CCNT2: variants seen among roughly 807,000 people sequenced by gnomAD.
CCNT2 encodes cyclin T2, also known as cyclin-T2.
In CCNT2, 18 loss-of-function variants were observed where a neutral mutation model predicts 70.0. The observed-to-expected ratio is 0.26, with a 90% CI of 0.18 to 0.38. The LOEUF (loss-of-function observed/expected upper bound fraction) is 0.38. CCNT2 is among the 10% of genes least tolerant of loss of function. CCNT2 has a pLI of 1.00. For synonymous variants in CCNT2, 334 were observed against 313.3 expected (o/e 1.07, Z -0.70); for missense variants, 734 against 890.2 (o/e 0.82, Z 2.23).
At chr2:134,950,926 G>A (rs1682453784) in intron 7 of CCNT2, among the ~76,000 whole-genome samples, 2 of 152,158 alleles carry the variant, frequency 1.3e-5, no homozygotes, top group Admixed American at 6.5e-5. Flanking sequence ...TTTTGTGTAC[G>A]AGATTTTGGA....
chr2:134,942,531 A>G, intron 4 of CCNT2, 81 bp from the exon 5 acceptor site: 2 of 813,554 alleles, frequency 2.5e-6, no homozygotes, highest in Admixed American at 6.2e-5. Context: ...AATAATGAAG[A>G]ATATATTATA....
chr2:134,952,523 TAGG>T (rs1682598258), intron 7 of CCNT2, 115 bp from the exon 8 acceptor site: 2 of 567,894 alleles, frequency 3.5e-6, no homozygotes, highest in East Asian at 6.2e-5. Flanking sequence ...GAGGATTTAA[TAGG>T]AGGGTAAAAG....
At chr2:134,923,967 A>G (rs767417589) in intron 2 of CCNT2, among the ~76,000 whole-genome samples, 2 of 152,246 alleles carry the variant, frequency 1.3e-5, no homozygotes, top group South Asian at 2.1e-4. Flanking sequence ...ACTAAATCCA[A>G]TGAGGTCCTC....
intron 4 of CCNT2, among the ~76,000 whole-genome samples, chr2:134,941,004 C>G (rs778299344): frequency 3.3e-5 from 5 of 152,162 alleles, no homozygotes; most frequent in Non-Finnish European, 5.9e-5. Context: ...GCACAAAAAC[C>G]TTGCACTTTA....
chr2:134,953,353 A>C lies in CCNT2; in HGVS notation c.898A>C (p.Ser300Arg), dbSNP rs1276534821. The C allele has an allele frequency of 3.7e-6, 6 of 1,605,732 alleles. No individual in the cohort carries two copies. The African/African-American group carries it at 8.1e-5, about 22-fold the overall frequency. The change falls in exon 9 of 9, where the codon AGT becomes CGT. Residue 300 changes from serine to arginine, a missense_variant. This residue lies in a region of CCNT2 where 532 missense variants were observed against 556.9 expected (regional missense o/e 0.96). Transcript: ENST00000264157. ...DSVTGVPTNP[S>R]FQKPSTSAFP... ...TGTCACTGGTGTGCCTACAAACCCAAGTTTTCAGAAACCATCTACATCAGC... is the reference window on the plus strand; with the variant it reads ...TGTCACTGGTGTGCCTACAAACCCACGTTTTCAGAAACCATCTACATCAGC...
At chr2:134,938,795 G>C (rs1681351685) in intron 3 of CCNT2, among the ~76,000 whole-genome samples, 1 of 152,116 alleles carries the variant, frequency 6.6e-6, no homozygotes, top group African/African-American at 2.4e-5. Context: ...GTTTTCTGGT[G>C]TTTGTTTCCT....
chr2:134,929,843 G>A (rs1680606542), intron 2 of CCNT2, among the ~76,000 whole-genome samples: 1 of 151,542 alleles, frequency 6.6e-6, no homozygotes, highest in African/African-American at 2.4e-5. Context: ...TAATGGCAGG[G>A]TTTTACCATG....
intron 2 of CCNT2, among the ~76,000 whole-genome samples, chr2:134,924,030 T>C (rs1046865803): frequency 6.6e-6 from 1 of 152,252 alleles, no homozygotes; most frequent in African/African-American, 2.4e-5. Flanking sequence ...TTAGCATTTA[T>C]GCATTGTGTA....
At chr2:134,937,051 C>A in intron 3 of CCNT2, 82 bp downstream of exon 3, 1 of 931,672 alleles carries the variant, frequency 1.1e-6, no homozygotes, top group Non-Finnish European at 1.6e-6. Context: ...ATACACAGTT[C>A]AATTAGTGGT....
At chr2:134,945,726 T>C in intron 5 of CCNT2, 6 of 1,284,420 alleles carry the variant, frequency 4.7e-6, no homozygotes, top group Non-Finnish European at 5.0e-6. Flanking sequence ...GGCAACTCTT[T>C]GTATTTTGTA....
intron 4 of CCNT2, among the ~76,000 whole-genome samples, chr2:134,941,472 G>A (rs1681575793): frequency 6.6e-6 from 1 of 152,150 alleles, no homozygotes. Flanking sequence ...TCTGATCAAC[G>A]ATAGTTAAGT....
At chr2:134,941,691 G>GA (rs1427539392) in intron 4 of CCNT2, among the ~76,000 whole-genome samples, 2 of 152,038 alleles carry the variant, frequency 1.3e-5, no homozygotes, top group Non-Finnish European at 2.9e-5. Context: ...GTAAAAAATT[G>GA]AAAATGAAAA....
intron 2 of CCNT2, among the ~76,000 whole-genome samples, chr2:134,920,518 G>T (rs1370510338): frequency 1.3e-5 from 2 of 152,052 alleles, no homozygotes; most frequent in African/African-American, 4.8e-5. Flanking sequence ...TGAATATTAA[G>T]GTATATAACC....
intron 2 of CCNT2, among the ~76,000 whole-genome samples, chr2:134,927,305 A>AT (rs940501704): frequency 4.6e-5 from 7 of 151,526 alleles, no homozygotes; most frequent in South Asian, 2.1e-4. Context: ...GCGGCTTAAA[A>AT]TTTTTTTTTG....
intron 2 of CCNT2, among the ~76,000 whole-genome samples, chr2:134,929,986 AAAAG>A (rs1005842061): frequency 4.6e-5 from 7 of 151,558 alleles, no homozygotes; most frequent in Admixed American, 2.6e-4. Context: ...CCTTAAAAAA[AAAAG>A]AGAGAGAGAG....
chr2:134,954,935 G>A lies in CCNT2; in HGVS notation c.*287G>A. 1 of 307,544 alleles carries A rather than the reference G, an allele frequency of 3.3e-6. No individual in the cohort carries two copies. The highest frequency in any genetic ancestry group is 6.0e-6 in the Non-Finnish European group (1 of 165,734). The allele number at this position is 307,544 out of a possible 1,614,324, so 19.1% of individuals were successfully genotyped here. A position where few individuals can be genotyped will look rare whatever the true frequency, so the allele number is the denominator to read the frequency against. On this transcript the variant is annotated 3_prime_UTR_variant, in exon 9 of 9. Transcript: ENST00000264157. ...AGGATGAATGGCTGGCTGCTTCTAG[G>A]AATATAAGATGCCTCAAGCATTCAT...
intron 5 of CCNT2, chr2:134,944,268 A>G: frequency 1.0e-6 from 1 of 983,822 alleles, no homozygotes; most frequent in Non-Finnish European, 1.2e-6. Flanking sequence ...AGAACTTGAA[A>G]AAGGTTAAGC....
intron 2 of CCNT2, among the ~76,000 whole-genome samples, chr2:134,936,150 T>C (rs1247938733): frequency 7.2e-6 from 1 of 138,364 alleles, no homozygotes; most frequent in Non-Finnish European, 1.6e-5. Context: ...CCGCTTTTCA[T>C]CTTTTTTTTT....
intron 1 of CCNT2, among the ~76,000 whole-genome samples, 161 bp from the exon 2 acceptor site, chr2:134,919,649 C>T (rs1399953972): frequency 2.0e-5 from 3 of 152,150 alleles, no homozygotes; most frequent in South Asian, 2.1e-4. Context: ...CTATTCTCTT[C>T]CTGCCGCCCC....
Sources: allele counts gnomAD v4.1 joint callset (sites outside exome capture counted in the v4.1 genomes callset), GRCh38; gene constraint gnomAD v4.1.1; regional missense constraint gnomAD v4.1.1; transcripts MANE v1.5; gene names NCBI Gene and HGNC (gene_info 2026-07-23, HGNC 2026-07-21).